Variants in AKAP6 observed in about 807,000 individuals in gnomAD.
The protein encoded by AKAP6 is A-kinase anchoring protein 6.
A neutral mutation model predicts 188.5 loss-of-function variants in AKAP6; 58 were observed. The ratio of observed to expected loss-of-function variants is 0.31; its 90% confidence interval spans 0.25 to 0.38. AKAP6 has a LOEUF of 0.38. Ranked by LOEUF, AKAP6 falls within the 10% of genes least tolerant of loss-of-function variation. The pLI, the probability that AKAP6 is intolerant of heterozygous loss-of-function variation, is 1.00. For synonymous variants in AKAP6, 989 were observed against 998.6 expected, an observed-to-expected ratio of 0.99 and a Z score of 0.18; for missense variants, 2,710 against 2,740.0, an observed-to-expected ratio of 0.99 and a Z score of 0.24.
intron 7 of AKAP6, among the ~76,000 whole-genome samples, chr14:32,603,896 G>A (rs927892077): frequency 3.3e-5 from 5 of 151,736 alleles, no homozygotes; most frequent in African/African-American, 9.7e-5. Flanking sequence ...ACCTCTCAAC[G>A]AGCAAGAATT....
chr14:32,759,479 C>T (rs538189267), intron 11 of AKAP6, among the ~76,000 whole-genome samples: 4 of 152,162 alleles, frequency 2.6e-5, no homozygotes, highest in Admixed American at 1.3e-4. Context: ...CAAGCCAAGA[C>T]CACCAGCAAA....
intron 1 of AKAP6, among the ~76,000 whole-genome samples, chr14:32,358,134 T>C (rs1396949199): frequency 6.6e-6 from 1 of 152,234 alleles, no homozygotes; most frequent in Non-Finnish European, 1.5e-5. Flanking sequence ...TTGAAAAGTA[T>C]TAAAGCCTCA....
chr14:32,404,939 G>A (rs941916370), intron 1 of AKAP6, among the ~76,000 whole-genome samples: 1 of 150,860 alleles, frequency 6.6e-6, no homozygotes, highest in Non-Finnish European at 1.5e-5. Context: ...GGGAGGGAGG[G>A]TGGAAGAGAG....
At position 32,737,763 on chromosome 14, in the gene AKAP6, G is replaced by A. The variant is rs181457658; in HGVS notation, c.3372+1881G>A. Among the ~76,000 whole-genome samples, 986 of 152,192 alleles carry A rather than the reference G, an allele frequency of 6.5e-3. 6 individuals are homozygous for A. Among genetic ancestry groups the A allele is most frequent in the Middle Eastern group, 0.017 (5 of 294 alleles). On this transcript the variant is annotated intron_variant, in intron 11 of 13. Transcript: ENST00000280979. ...TGAAGTCCTTTATATGACACTAAGA[G>A]TAATGACAGATAAACTACAATGTAC...
At chr14:32,600,577 G>C in intron 6 of AKAP6, 52 bp from the exon 7 acceptor site, 2 of 1,519,914 alleles carry the variant, frequency 1.3e-6, no homozygotes, top group South Asian at 2.6e-5. Flanking sequence ...AAAATAATGA[G>C]TAAAGATTCA....
At chr14:32,390,956 TA>T (rs1208868790) in intron 1 of AKAP6, among the ~76,000 whole-genome samples, 1 of 152,122 alleles carries the variant, frequency 6.6e-6, no homozygotes, top group Non-Finnish European at 1.5e-5. Context: ...CTCTGTTTTT[TA>T]AACGTTGCAT....
intron 2 of AKAP6, among the ~76,000 whole-genome samples, chr14:32,475,658 G>T (rs1879024806): frequency 6.7e-6 from 1 of 149,674 alleles, no homozygotes; most frequent in Non-Finnish European, 1.5e-5. Context: ...AGAGTCTGCA[G>T]ACAGAAATCA....
intron 5 of AKAP6, among the ~76,000 whole-genome samples, chr14:32,587,745 C>A (rs1304777342): frequency 6.6e-6 from 1 of 152,148 alleles, no homozygotes; most frequent in Non-Finnish European, 1.5e-5. Context: ...GGCTATAGCA[C>A]AGGACAGCCC....
intron 2 of AKAP6, among the ~76,000 whole-genome samples, chr14:32,458,605 G>T (rs574259136): frequency 6.6e-6 from 1 of 152,162 alleles, no homozygotes; most frequent in South Asian, 2.1e-4. Flanking sequence ...TTACAAAAGA[G>T]GTTAAGGAGC....
chr14:32,426,792 T>C (rs1487421330), intron 1 of AKAP6, among the ~76,000 whole-genome samples: 2 of 152,178 alleles, frequency 1.3e-5, no homozygotes, highest in Non-Finnish European at 2.9e-5. Flanking sequence ...ACAGGAGGCA[T>C]GATGACTATC....
chr14:32,526,515 T>A (rs1404791553), intron 2 of AKAP6, among the ~76,000 whole-genome samples: 1 of 152,172 alleles, frequency 6.6e-6, no homozygotes, highest in Non-Finnish European at 1.5e-5. Flanking sequence ...ATTACAGATG[T>A]GAGCCACAGT....
intron 4 of AKAP6, among the ~76,000 whole-genome samples, chr14:32,553,345 A>AT (rs1177036566): frequency 3.3e-5 from 5 of 150,402 alleles, no homozygotes; most frequent in Non-Finnish European, 5.9e-5. Context: ...TAATTTTTGT[A>AT]TTTTTTTTAG....
At chr14:32,534,560 C>A (rs1242429267) in intron 2 of AKAP6, among the ~76,000 whole-genome samples, 1 of 152,144 alleles carries the variant, frequency 6.6e-6, no homozygotes, top group East Asian at 1.9e-4. Flanking sequence ...AAAATGTCTG[C>A]ATGAAACGAA....
In AKAP6 at chr14:32,823,505, A is replaced by G; in HGVS notation, c.5692A>G (p.Asn1898Asp). ...ATATGTGGCTGACATGGAAAATGGC[A>G]ATATTGAAGGTATTCCAGAAAGGCA... ...DPYVADMENGNIEGIPERQKG... is the reference protein window; with the variant it reads ...DPYVADMENGDIEGIPERQKG... Residue 1898 changes from asparagine (N) to aspartate (D), a missense_variant, in exon 13 of 14, where the codon AAT (asparagine) becomes GAT (aspartate). This residue lies in a region of AKAP6 where 2,473 missense variants were observed against 2,426.1 expected (regional missense o/e 1.02). Transcript: ENST00000280979. 1 of 1,613,762 alleles carries G rather than the reference A, an allele frequency of 6.2e-7. No homozygotes were observed. The highest frequency in any genetic ancestry group is 8.5e-7 in the Non-Finnish European group (1 of 1,179,836).
intron 4 of AKAP6, among the ~76,000 whole-genome samples, chr14:32,561,825 A>G (rs1452372044): frequency 6.6e-6 from 1 of 152,240 alleles, no homozygotes; most frequent in African/African-American, 2.4e-5. Flanking sequence ...AAGGTCAGCT[A>G]AGTGAAGCAG....
Position 32,472,515 on chromosome 14 carries a change from G to T in AKAP6, c.324+38698G>T, listed in dbSNP as rs1246726632. ...TCTTTAGCCACAGAACTTAATTCTA[G>T]GAGAGGCGATATTACAGCAGACTGA... On this transcript the variant is annotated intron_variant, in intron 2 of 13. Coordinates refer to ENST00000280979, the MANE Select transcript of AKAP6 (RefSeq NM_004274.5). 2.0e-5 allele frequency among the ~76,000 whole-genome samples: 3 copies of T among 152,182 alleles called. No individual in the cohort carries two copies. In the East Asian group the frequency reaches 5.8e-4, roughly 29 times the overall value.
chr14:32,601,089 A>G (rs1885909348), intron 7 of AKAP6, among the ~76,000 whole-genome samples: 1 of 152,198 alleles, frequency 6.6e-6, no homozygotes, highest in South Asian at 2.1e-4. Flanking sequence ...AACATAAAGC[A>G]TCTTTAACAT....
chr14:32,674,218 G>A (rs1212868985), intron 7 of AKAP6, among the ~76,000 whole-genome samples: 1 of 152,184 alleles, frequency 6.6e-6, no homozygotes, highest in South Asian at 2.1e-4. Flanking sequence ...AGGGAGACTG[G>A]TAGGAAACGT....
intron 7 of AKAP6, among the ~76,000 whole-genome samples, chr14:32,618,054 A>G (rs1032222404): frequency 1.4e-4 from 22 of 152,250 alleles, no homozygotes; most frequent in South Asian, 2.1e-4. Context: ...AAGCTAGAAC[A>G]ATTAAATAAA....
Sources: gnomAD v4.1 joint callset for allele counts (sites outside exome capture counted in the v4.1 genomes callset) on GRCh38, gnomAD v4.1.1 for gene constraint, gnomAD v4.1.1 regional missense constraint, MANE v1.5 for transcripts, NCBI Gene and HGNC (gene_info 2026-07-23, HGNC 2026-07-21) for gene names.